Variants in PDPN observed in about 807,000 individuals in gnomAD.
PDPN encodes the protein podoplanin, also known as PA2.26 antigen.
A neutral mutation model predicts 23.2 loss-of-function variants in PDPN; 12 were observed. The ratio of observed to expected loss-of-function variants is 0.52; its 90% CI spans 0.33 to 0.84. The LOEUF is 0.84. PDPN is among the 40% of genes least tolerant of loss of function. The probability of loss-of-function intolerance (pLI) is 0.02; values close to 1 mark genes in which losing one functional copy is unlikely to be tolerated. For missense variants in PDPN, 199 were observed against 212.2 expected (o/e 0.94, Z 0.39); for synonymous variants, 77 against 76.7 (o/e 1.00, Z -0.02).
intron 3 of PDPN, among the ~76,000 whole-genome samples, chr1:13,613,434 A>C (rs1640985209): frequency 6.6e-6 from 1 of 152,122 alleles, no homozygotes; most frequent in South Asian, 2.1e-4. Flanking sequence ...TCTAAACTAT[A>C]AAATTAATAC....
At position 13,594,635 on chromosome 1, in the gene PDPN, G is replaced by A. The variant is rs896892651; in HGVS notation, c.67+10535G>A. On this transcript the variant is annotated intron_variant, in intron 1 of 5. Coordinates refer to ENST00000621990, the MANE Select transcript of PDPN (RefSeq NM_006474.5). ...CATGGGCAGTTGACTTAACCTCTTA[G>A]CCTCACCATTGTCAGCTAAAAAATG... Among the ~76,000 whole-genome samples the A allele has an allele frequency of 3.9e-5, 6 of 152,262 alleles. No individual in the cohort carries two copies. In the East Asian group the frequency reaches 9.6e-4, roughly 24 times the overall value.
chr1:13,599,324 G>A (rs548517385), intron 1 of PDPN, among the ~76,000 whole-genome samples: 1 of 148,526 alleles, frequency 6.7e-6, no homozygotes, highest in East Asian at 2.0e-4. Flanking sequence ...AAAGTTCCCT[G>A]AGATCTGAAG....
intron 1 of PDPN, among the ~76,000 whole-genome samples, chr1:13,605,299 TGCTCTTTCATTACACAA>T (rs1640754611): frequency 6.6e-6 from 1 of 151,670 alleles, no homozygotes; most frequent in Non-Finnish European, 1.5e-5. Flanking sequence ...AACAAACATC[TGCTCTTTCATTACACAA>T]AGAAATTTCC....
intron 3 of PDPN, among the ~76,000 whole-genome samples, chr1:13,612,137 C>T (rs867671315): frequency 2.0e-5 from 3 of 151,972 alleles, no homozygotes; most frequent in African/African-American, 7.3e-5. Context: ...AAAATTGTGA[C>T]TGAGTGCACA....
chr1:13,602,643 A>G (rs551576769), intron 1 of PDPN, among the ~76,000 whole-genome samples: 164 of 152,166 alleles, frequency 1.1e-3, no homozygotes, highest in South Asian at 6.4e-3. Context: ...GCTCACTGCA[A>G]TCTCTGCCTC....
At chr1:13,584,145 G>C in intron 1 of PDPN, 45 bp downstream of exon 1, 22 of 1,597,374 alleles carry the variant, frequency 1.4e-5, no homozygotes, top group Non-Finnish European at 1.8e-5. Flanking sequence ...TGATGGGGAC[G>C]AGCGAGCAGA....
chr1:13,603,586 C>T (rs967567357), intron 1 of PDPN, among the ~76,000 whole-genome samples: 2 of 151,658 alleles, frequency 1.3e-5, no homozygotes, highest in Non-Finnish European at 2.9e-5. Flanking sequence ...GAAACTTCAG[C>T]CTAGCTTTTT....
chr1:13,610,325 G>A, intron 2 of PDPN, 62 bp from the exon 3 acceptor site: 2 of 1,425,888 alleles, frequency 1.4e-6, no homozygotes, highest in Non-Finnish European at 2.0e-6. Context: ...TATAAGGCAG[G>A]GGATATATTT....
chr1:13,588,620 TATATA>T (rs1640247022), intron 1 of PDPN, among the ~76,000 whole-genome samples: 1 of 147,498 alleles, frequency 6.8e-6, no homozygotes, highest in South Asian at 2.1e-4. Flanking sequence ...ACATATATAA[TATATA>T]ATATAAATAT....
At chr1:13,603,282 C>T (rs1640695607) in intron 1 of PDPN, among the ~76,000 whole-genome samples, 1 of 151,982 alleles carries the variant, frequency 6.6e-6, no homozygotes, top group Non-Finnish European at 1.5e-5. Context: ...ACTTGGGAGG[C>T]TGAGACAGGA....
At chr1:13,606,615 C>T (rs1338879431) in intron 1 of PDPN, among the ~76,000 whole-genome samples, 2 of 151,996 alleles carry the variant, frequency 1.3e-5, no homozygotes, top group Admixed American at 6.6e-5. Flanking sequence ...TTATAGTGAG[C>T]TATGATTGTG....
At chr1:13,609,143 CTG>C (rs748382505) in intron 2 of PDPN, among the ~76,000 whole-genome samples, 1 of 152,202 alleles carries the variant, frequency 6.6e-6, no homozygotes, top group Non-Finnish European at 1.5e-5. Context: ...AGAATAGAGA[CTG>C]TGTGGCCTGG....
intron 1 of PDPN, among the ~76,000 whole-genome samples, chr1:13,594,086 G>C (rs1364938592): frequency 6.6e-6 from 1 of 152,162 alleles, no homozygotes; most frequent in African/African-American, 2.4e-5. Flanking sequence ...CTTGATGAGT[G>C]TGTTGATTCA....
rs6661113 is a variant in PDPN at position 13,586,439 on chromosome 1, G to A, written c.67+2339G>A. ...ATTTAAAAAATGTGTCCGGGCATGAGAAGGCTAAGTCTGGACGTGGCCAAA... is the reference window on the plus strand; with the variant it reads ...ATTTAAAAAATGTGTCCGGGCATGAAAAGGCTAAGTCTGGACGTGGCCAAA... On this transcript the variant is annotated intron_variant, in intron 1 of 5. Coordinates refer to ENST00000621990, the MANE Select transcript of PDPN (RefSeq NM_006474.5). Among the ~76,000 whole-genome samples the A allele has an allele frequency of 9.0e-3, 1,371 of 152,262 alleles. 18 individuals are homozygous for A. Among genetic ancestry groups the A allele is most frequent in the African/African-American group, 0.03 (1,251 of 41,542 alleles).
At chr1:13,603,316 G>A (rs1377438936) in intron 1 of PDPN, among the ~76,000 whole-genome samples, 1 of 152,220 alleles carries the variant, frequency 6.6e-6, no homozygotes, top group East Asian at 1.9e-4. Flanking sequence ...CCAGGAGGCG[G>A]AGGTTGTAGT....
Position 13,583,931 on chromosome 1 carries a change from G to A in PDPN, c.-103G>A. The stretch of plus-strand genomic sequence containing the variant: ...CCACCCCTCCGGCCCCCCCACCGTC[G>A]CGCTCCTCCAGGCTGGGCCTGTGGC... On this transcript the variant is annotated 5_prime_UTR_variant, in exon 1 of 6. Coordinates refer to ENST00000621990, the MANE Select transcript of PDPN (RefSeq NM_006474.5). 3 of 1,613,308 alleles carry A rather than the reference G, an allele frequency of 1.9e-6. No homozygotes were observed. The highest frequency in any genetic ancestry group is 2.2e-5 in the East Asian group (1 of 44,878).
At chr1:13,601,364 T>G (rs1052504525) in intron 1 of PDPN, among the ~76,000 whole-genome samples, 8 of 152,164 alleles carry the variant, frequency 5.3e-5, no homozygotes, top group Non-Finnish European at 1.2e-4. Flanking sequence ...GACATAGTAT[T>G]TGTTTGTTTT....
chr1:13,615,053 A>G (rs1431877374), intron 5 of PDPN, among the ~76,000 whole-genome samples: 1 of 152,204 alleles, frequency 6.6e-6, no homozygotes. Flanking sequence ...AAAGGCTTCT[A>G]GAAAACCGCC....
At chr1:13,591,844 G>C (rs992710752) in intron 1 of PDPN, among the ~76,000 whole-genome samples, 1 of 152,194 alleles carries the variant, frequency 6.6e-6, no homozygotes, top group Non-Finnish European at 1.5e-5. Context: ...ACAGGCGTAT[G>C]CCACCACACC....
Sources: allele counts gnomAD v4.1 joint callset (sites outside exome capture counted in the v4.1 genomes callset), GRCh38; gene constraint gnomAD v4.1.1; transcripts MANE v1.5; gene names NCBI Gene and HGNC (gene_info 2026-07-23, HGNC 2026-07-21).